Variants in IL31RA observed in about 807,000 individuals in gnomAD.
The protein encoded by IL31RA is interleukin 31 receptor A.
In IL31RA, 66 loss-of-function variants were observed where a neutral mutation model predicts 83.7. That is an observed-to-expected ratio of 0.79 (90% confidence interval 0.65 to 0.97). IL31RA has a LOEUF of 0.97. Among genes scored for constraint, IL31RA ranks in the 50% least tolerant of loss-of-function variants. The probability of loss-of-function intolerance (pLI) is 0.00; values close to 1 mark genes in which losing one functional copy is unlikely to be tolerated. For synonymous variants in IL31RA, 325 were observed against 329.0 expected (o/e 0.99, Z 0.13); for missense variants, 798 against 919.4 (o/e 0.87, Z 1.71).
rs1171421203 is a variant in IL31RA at position 55,890,117 on chromosome 5, G to A, written c.754G>A (p.Gly252Arg). The A allele has an allele frequency of 6.2e-7, 1 of 1,613,710 alleles. No individual in the cohort carries two copies. Among genetic ancestry groups the A allele is most frequent in the African/African-American group, 1.3e-5 (1 of 74,890 alleles). The stretch of plus-strand genomic sequence containing the variant: ...GAGTGACTGGAGCCAAGAAAAAATG[G>A]GAATGACTGAGGAAGAAGGCAAGCT... Reference protein sequence around the residue: ...FWSDWSQEKMGMTEEEAPCGL... With the variant: ...FWSDWSQEKMRMTEEEAPCGL... The change falls in exon 6 of 15, where the codon GGA becomes AGA. Residue 252 changes from glycine to arginine, a missense_variant. Transcript: ENST00000652347.
chr5:55,861,179 G>A (rs944283385), intron 2 of IL31RA, among the ~76,000 whole-genome samples: 14 of 152,174 alleles, frequency 9.2e-5, no homozygotes, highest in Non-Finnish European at 1.5e-5. Context: ...GTCACCAAGA[G>A]GGCAGTCATG....
In IL31RA at chr5:55,906,164, G is replaced by A. The variant is rs565704059; in HGVS notation, c.1128G>A (p.Lys376=). ...TTGCTGAGGACCAGCTAGTGGTGAA[G>A]TGGCAAAGCTCTGCTCTAGACGTGA... The part of the protein sequence containing the change: ...ACVAEDQLVV[K]WQSSALDVNT... Residue 376 remains lysine (K), a synonymous_variant, in exon 9 of 15, where the codon AAG becomes AAA. Transcript: ENST00000652347. 2 of 1,613,942 alleles carry A rather than the reference G, an allele frequency of 1.2e-6. No individual in the cohort carries two copies. Among genetic ancestry groups the A allele is most frequent in the African/African-American group, 2.7e-5 (2 of 74,798 alleles).
the IL31RA span, chr5:55,840,158 A>G: frequency 3.7e-6 from 1 of 269,922 alleles, no homozygotes; most frequent in Non-Finnish European, 7.2e-6. Flanking sequence ...TGGCTGTTGC[A>G]TCTGTGTGGT....
At chr5:55,845,168 A>G in the IL31RA span, among the ~76,000 whole-genome samples, 1 of 152,188 alleles carries the variant, frequency 6.6e-6, no homozygotes. Context: ...ATGCCTTATA[A>G]CATTTTGTTG....
chr5:55,851,553 G>T lies in IL31RA; in HGVS notation c.-18G>T, dbSNP rs1165785874. 1.9e-6 allele frequency: 3 copies of T among 1,614,042 alleles called. No individual in the cohort carries two copies. The highest frequency in any genetic ancestry group is 2.5e-6 in the Non-Finnish European group (3 of 1,179,924). The stretch of plus-strand genomic sequence containing the variant: ...AGACAGGAAGGCAGAGTGTCAGCTT[G>T]TTCCACCTCAGCTGGGAATGTGCAT... On this transcript the variant is annotated 5_prime_UTR_variant, in exon 1 of 15. Coordinates refer to ENST00000652347, the MANE Select transcript of IL31RA (RefSeq NM_139017.7).
intron 5 of IL31RA, among the ~76,000 whole-genome samples, chr5:55,887,658 G>A (rs904320346): frequency 1.3e-4 from 20 of 152,140 alleles, no homozygotes; most frequent in African/African-American, 4.3e-4. Context: ...AGGCTGAGGC[G>A]GGTGGATCAC....
rs1448387728 is a variant in IL31RA at position 55,919,646 on chromosome 5, C to G, written c.*2526C>G. Among the ~76,000 whole-genome samples, 1 of 152,098 alleles carries G rather than the reference C, an allele frequency of 6.6e-6. No homozygotes were observed. The highest frequency in any genetic ancestry group is 1.5e-5 in the Non-Finnish European group (1 of 68,018). On this transcript the variant is annotated 3_prime_UTR_variant, in exon 15 of 15. Transcript: ENST00000652347. Reference sequence around the variant, plus strand: ...TCCATCAGCCTCCTTTGATCATTTTCCATGGTTTTATTACCTTTGAGGGGT... The same window carrying G: ...TCCATCAGCCTCCTTTGATCATTTTGCATGGTTTTATTACCTTTGAGGGGT...
intron 12 of IL31RA, among the ~76,000 whole-genome samples, chr5:55,911,298 C>T (rs1309844664): frequency 1.3e-5 from 2 of 152,038 alleles, no homozygotes; most frequent in East Asian, 3.9e-4. Context: ...GGGGAAATTG[C>T]CCCCATGATT....
intron 8 of IL31RA, among the ~76,000 whole-genome samples, chr5:55,901,251 TC>T (rs780236796): frequency 2.6e-5 from 4 of 152,234 alleles, no homozygotes; most frequent in Non-Finnish European, 5.9e-5. Context: ...GTGATGAAGT[TC>T]CTGACAAATG....
chr5:55,892,281 T>C (rs1748053735), intron 6 of IL31RA, among the ~76,000 whole-genome samples: 4 of 152,192 alleles, frequency 2.6e-5, no homozygotes, highest in Admixed American at 2.6e-4. Context: ...CCCATGGCCA[T>C]GATTTCAGGC....
At position 55,921,540 on chromosome 5, in the gene IL31RA, A is replaced by T. The variant is rs564148862; in HGVS notation, c.*4420A>T. ...AAGTGGAATTGCTGGTCAGAATTTT[A>T]TGGTTGTCACATTTTGCGTGACTGT... is the stretch of plus-strand genomic sequence containing the variant. On this transcript the variant is annotated 3_prime_UTR_variant, in exon 15 of 15. Coordinates refer to ENST00000652347, the MANE Select transcript of IL31RA (RefSeq NM_139017.7). Among the ~76,000 whole-genome samples, 1 of 152,286 alleles carries T rather than the reference A, an allele frequency of 6.6e-6. No homozygotes were observed. The highest frequency in any genetic ancestry group is 1.9e-4 in the East Asian group (1 of 5,186).
Position 55,881,515 on chromosome 5 carries a change from G to A in IL31RA, c.455-1529G>A, listed in dbSNP as rs997779128. Among the ~76,000 whole-genome samples the A allele has an allele frequency of 3.3e-5, 5 of 151,704 alleles. No individual in the cohort carries two copies. The East Asian group carries it at 5.8e-4, about 18-fold the overall frequency. ...CCATTTCCCTTGATTCTTCCCTTAC[G>A]GTGAGCTGCCCACTTGCACGGCGGC... On this transcript the variant is annotated intron_variant, in intron 4 of 14. Transcript: ENST00000652347.
chr5:55,849,365 AACAC>A (rs1449947898), upstream of IL31RA, among the ~76,000 whole-genome samples: 2 of 152,138 alleles, frequency 1.3e-5, no homozygotes, highest in African/African-American at 4.8e-5. Flanking sequence ...TCTATACACA[AACAC>A]ACACATATGT....
In IL31RA at chr5:55,918,782, C is replaced by T. The variant is rs1749938547; in HGVS notation, c.*1662C>T. On this transcript the variant is annotated 3_prime_UTR_variant, in exon 15 of 15. Transcript: ENST00000652347. The stretch of plus-strand genomic sequence containing the variant: ...CAAAGCTCTGTCCTCCTAACATCTC[C>T]AGCGGCTGCAGCCACCCCCCCACCA... 6.6e-6 allele frequency among the ~76,000 whole-genome samples: 1 copy of T among 152,108 alleles called. No homozygotes were observed. The highest frequency in any genetic ancestry group is 6.5e-5 in the Admixed American group (1 of 15,278).
Position 55,918,560 on chromosome 5 carries a change from T to C in IL31RA, c.*1440T>C, listed in dbSNP as rs565789683. 5.9e-5 allele frequency among the ~76,000 whole-genome samples: 9 copies of C among 152,204 alleles called. No individual in the cohort carries two copies. The South Asian group carries it at 1.7e-3, about 28-fold the overall frequency. On this transcript the variant is annotated 3_prime_UTR_variant, in exon 15 of 15. Transcript: ENST00000652347. The stretch of plus-strand genomic sequence containing the variant: ...GGACTGGCTCTGAGTGCCGAGGATG[T>C]TCAATGGCGCAGCGTGCATGGGGCA...
At chr5:55,891,381 A>G (rs1210280149) in intron 6 of IL31RA, among the ~76,000 whole-genome samples, 1 of 152,224 alleles carries the variant, frequency 6.6e-6, no homozygotes, top group Admixed American at 6.5e-5. Context: ...GTATTCTTTC[A>G]TAGCTCTGGA....
In IL31RA at chr5:55,922,415, T is replaced by C; in HGVS notation, c.*5295T>C. On this transcript the variant is annotated 3_prime_UTR_variant, in exon 15 of 15. Coordinates refer to ENST00000652347, the MANE Select transcript of IL31RA (RefSeq NM_139017.7). ...TTTTAGGACTAGAATTCTGTCTTCC[T>C]GCCCAACTTCAATATAAGTGTGGAC... 2 of 1,550,914 alleles carry C rather than the reference T, an allele frequency of 1.3e-6. No individual in the cohort carries two copies. The highest frequency in any genetic ancestry group is 1.7e-6 in the Non-Finnish European group (2 of 1,146,808).
chr5:55,843,484 C>A, the IL31RA span, among the ~76,000 whole-genome samples: 1 of 152,276 alleles, frequency 6.6e-6, no homozygotes, highest in Non-Finnish European at 1.5e-5. Context: ...TAATGATATT[C>A]TGCAGCTATG....
At chr5:55,908,626 G>A (rs1029949165) in intron 11 of IL31RA, 10 of 1,548,248 alleles carry the variant, frequency 6.5e-6, no homozygotes, top group Non-Finnish European at 7.0e-6. Flanking sequence ...TACCTGAGAG[G>A]AGAGTCCTGA....
Sources: gnomAD v4.1 joint callset for allele counts (sites outside exome capture counted in the v4.1 genomes callset) on GRCh38, gnomAD v4.1.1 for gene constraint, MANE v1.5 for transcripts, NCBI Gene and HGNC (gene_info 2026-07-23, HGNC 2026-07-21) for gene names.